TDRD7: variants seen among roughly 807,000 people sequenced by gnomAD.
The protein encoded by TDRD7 is tudor domain containing 7.
TDRD7 carries 47 observed loss-of-function variants against 109.8 expected under a neutral mutation model. The ratio of observed to expected loss-of-function variants is 0.43; its 90% CI spans 0.34 to 0.55. The LOEUF (loss-of-function observed/expected upper bound fraction) is 0.55, where lower values mean the gene tolerates loss of function less well. Among genes scored for constraint, TDRD7 ranks in the 20% least tolerant of loss-of-function variants. The pLI is 0.03. For missense variants in TDRD7, 1,164 were observed against 1,319.2 expected, an observed-to-expected ratio of 0.88 and a Z score of 1.82; for synonymous variants, 424 against 457.3, an observed-to-expected ratio of 0.93 and a Z score of 0.93.
chr9:97,438,484 A>C (rs893945013), intron 4 of TDRD7, among the ~76,000 whole-genome samples: 1 of 152,120 alleles, frequency 6.6e-6, no homozygotes, highest in Non-Finnish European at 1.5e-5. Context: ...TACAATATTC[A>C]TTTGCCTTGC....
chr9:97,437,162 C>T (rs1303440259), intron 4 of TDRD7, among the ~76,000 whole-genome samples: 1 of 152,144 alleles, frequency 6.6e-6, no homozygotes, highest in African/African-American at 2.4e-5. Flanking sequence ...CATTTTCTTA[C>T]CTCATAGTTT....
At chr9:97,487,043 AT>A in intron 15 of TDRD7, 128 bp from the exon 16 acceptor site, 5 of 1,082,490 alleles carry the variant, frequency 4.6e-6, no homozygotes, top group Non-Finnish European at 6.7e-6. Flanking sequence ...TTTTTTGAAA[AT>A]ATAGTTTTAA....
chr9:97,473,104 A>T (rs528970205), intron 10 of TDRD7, among the ~76,000 whole-genome samples: 2 of 152,192 alleles, frequency 1.3e-5, no homozygotes, highest in Admixed American at 1.3e-4. Flanking sequence ...TAGACTGATG[A>T]TGGATTTGAT....
chr9:97,429,281 GTTGATCTGTCA>G (rs1380728824), intron 2 of TDRD7, among the ~76,000 whole-genome samples: 4 of 152,166 alleles, frequency 2.6e-5, no homozygotes, highest in African/African-American at 9.7e-5. Flanking sequence ...GTGGTAGCCG[GTTGATCTGTCA>G]TTGCTCTTCC....
intron 13 of TDRD7, 148 bp from the exon 14 acceptor site, chr9:97,480,680 A>G (rs1829101017): frequency 9.7e-6 from 7 of 721,042 alleles, no homozygotes; most frequent in Non-Finnish European, 1.8e-5. Flanking sequence ...CAGATGCTCA[A>G]ACCAGGAACT....
At chr9:97,479,347 G>T (rs1022706900) in intron 13 of TDRD7, among the ~76,000 whole-genome samples, 6 of 152,102 alleles carry the variant, frequency 3.9e-5, no homozygotes, top group African/African-American at 1.4e-4. Flanking sequence ...ACTGTCCATT[G>T]TTCAGCCATA....
At chr9:97,487,660 C>T (rs1192530399) in intron 16 of TDRD7, among the ~76,000 whole-genome samples, 1 of 151,630 alleles carries the variant, frequency 6.6e-6, no homozygotes, top group Non-Finnish European at 1.5e-5. Context: ...TAATGACTTT[C>T]TGGGTGGTTT....
chr9:97,418,088 GC>G (rs1170909487), intron 1 of TDRD7, among the ~76,000 whole-genome samples: 1 of 152,156 alleles, frequency 6.6e-6, no homozygotes, highest in Non-Finnish European at 1.5e-5. Context: ...TCACGCCACT[GC>G]CCTCCAGCCT....
intron 6 of TDRD7, among the ~76,000 whole-genome samples, chr9:97,443,912 A>G (rs1828355287): frequency 6.6e-6 from 1 of 152,158 alleles, no homozygotes; most frequent in African/African-American, 2.4e-5. Flanking sequence ...CTGGTTCTTA[A>G]TGTAATGTGT....
chr9:97,473,451 C>T lies in TDRD7; in HGVS notation c.1945-41C>T, dbSNP rs757880146. 21 of 1,612,592 alleles carry T rather than the reference C, an allele frequency of 1.3e-5. No individual in the cohort carries two copies. In the Admixed American group the frequency reaches 3.3e-4, roughly 26 times the overall value. On this transcript the variant is annotated intron_variant, in intron 10 of 16. Transcript: ENST00000355295. The stretch of plus-strand genomic sequence containing the variant: ...CCTTTAGGTAGGTAAGAGCTGCATT[C>T]TGCTCTCAAGCATTCACGAGGTATC...
rs1188631836 is a variant in TDRD7, at chr9:97,441,709, A to T, written c.689A>T (p.Tyr230Phe). The T allele has an allele frequency of 6.2e-7, 1 of 1,613,338 alleles. No homozygotes were observed. The highest frequency in any genetic ancestry group is 8.5e-7 in the Non-Finnish European group (1 of 1,179,896). Residue 230 changes from tyrosine to phenylalanine, a missense_variant, in exon 6 of 17, where the codon TAC (tyrosine) becomes TTC (phenylalanine). Physicochemically the swap from Tyr to Phe is conservative, Grantham distance 22. Transcript: ENST00000355295. ...EKPNVKPPAS[Y>F]TYKMDEVQNR... ...CCCAATGTCAAGCCTCCTGCCTCTT[A>T]CACTTATAAAATGGATGAGGTTCAA...
chr9:97,420,689 T>C (rs1394208568), intron 1 of TDRD7, among the ~76,000 whole-genome samples: 1 of 152,200 alleles, frequency 6.6e-6, no homozygotes, highest in Non-Finnish European at 1.5e-5. Context: ...TTGATAGACA[T>C]TTTGATTGTT....
At chr9:97,422,117 C>A (rs976471074) in intron 1 of TDRD7, among the ~76,000 whole-genome samples, 2 of 152,024 alleles carry the variant, frequency 1.3e-5, no homozygotes, top group Non-Finnish European at 2.9e-5. Flanking sequence ...TTTACTAGGC[C>A]GGAGGTGGCT....
Position 97,495,749 on chromosome 9 carries a change from A to T in TDRD7, c.3163A>T (p.Thr1055Ser). ...EKKPLVALVQ[T>S]VIENANPWDR... The stretch of plus-strand genomic sequence containing the variant: ...GAAACCTCTGGTGGCACTGGTGCAG[A>T]CAGTCATTGAAAATGCTAACCCTTG... The change falls in exon 17 of 17, where the codon ACA becomes TCA. Residue 1055 changes from threonine (T) to serine (S), a missense_variant. Physicochemically the swap from Thr to Ser is moderately conservative, Grantham distance 58 (BLOSUM62 1). Around this residue, in one of 5 missense-constraint regions of TDRD7, gnomAD observed 162 missense variants for 222.5 expected, o/e 0.73. Coordinates refer to ENST00000355295, the MANE Select transcript of TDRD7 (RefSeq NM_014290.3). 1.2e-6 allele frequency: 2 copies of T among 1,614,200 alleles called. No homozygotes were observed. The highest frequency in any genetic ancestry group is 1.7e-6 in the Non-Finnish European group (2 of 1,180,040).
chr9:97,449,443 C>G (rs1335568257), intron 6 of TDRD7, among the ~76,000 whole-genome samples: 2 of 152,214 alleles, frequency 1.3e-5, no homozygotes. Flanking sequence ...AAAACCTCCT[C>G]TTTGGGTTTG....
rs979620359 is a variant in TDRD7 at position 97,480,625 on chromosome 9, G to C, written c.2302-203G>C. 6 of 583,990 alleles carry C rather than the reference G, an allele frequency of 1.0e-5. No homozygotes were observed. In the African/African-American group the frequency reaches 1.1e-4, roughly 11 times the overall value. The allele number at this position is 583,990 out of a possible 1,614,324, so 36.2% of individuals were successfully genotyped here. On this transcript the variant is annotated intron_variant, in intron 13 of 16. Transcript: ENST00000355295. ...CTGGGGGTAAGCCCTGGCTCATAAA[G>C]GAGTAAAGACAATAGTAGTTATATA...
chr9:97,486,537 G>T (rs1186780058), intron 15 of TDRD7, among the ~76,000 whole-genome samples: 1 of 151,910 alleles, frequency 6.6e-6, no homozygotes, highest in East Asian at 1.9e-4. Context: ...TTTTTTTAAT[G>T]ACCTTGTCAT....
chr9:97,415,410 A>G (rs1827795855), intron 1 of TDRD7, among the ~76,000 whole-genome samples: 1 of 152,172 alleles, frequency 6.6e-6, no homozygotes, highest in South Asian at 2.1e-4. Flanking sequence ...ATACACCAAA[A>G]CCAGGTTCTT....
intron 6 of TDRD7, among the ~76,000 whole-genome samples, chr9:97,442,691 T>C (rs1408783356): frequency 1.3e-5 from 2 of 152,244 alleles, no homozygotes; most frequent in African/African-American, 2.4e-5. Flanking sequence ...TATGCTTTGG[T>C]AGAGGGCTTT....
Sources: allele counts gnomAD v4.1 joint callset (sites outside exome capture counted in the v4.1 genomes callset), GRCh38; gene constraint gnomAD v4.1.1; regional missense constraint gnomAD v4.1.1; transcripts MANE v1.5; gene names NCBI Gene and HGNC (gene_info 2026-07-23, HGNC 2026-07-21).